PITPNM3: variants seen among roughly 807,000 people sequenced by gnomAD.
PITPNM3 encodes the protein membrane-associated phosphatidylinositol transfer protein 3.
PITPNM3 carries 26 observed loss-of-function variants against 102.0 expected under a neutral mutation model. The ratio of observed to expected loss-of-function variants is 0.25; its 90% confidence interval spans 0.19 to 0.35. The LOEUF is 0.35. Among genes scored for constraint, PITPNM3 ranks in the 10% least tolerant of loss-of-function variants. The probability of loss-of-function intolerance (pLI) is 1.00; values close to 1 mark genes in which losing one functional copy is unlikely to be tolerated. For synonymous variants in PITPNM3, 578 were observed against 558.6 expected, an observed-to-expected ratio of 1.03 and a Z score of -0.49; for missense variants, 1,083 against 1,346.1, an observed-to-expected ratio of 0.80 and a Z score of 3.06.
chr17:6,483,800 G>C, intron 5 of PITPNM3, 48 bp from the exon 6 acceptor site: 1 of 1,539,480 alleles, frequency 6.5e-7, no homozygotes, highest in South Asian at 1.1e-5. Flanking sequence ...GGCTGGGGTC[G>C]GGGGAGGCAC....
In PITPNM3 at chr17:6,556,215, C is replaced by T. The variant is rs1367849442; in HGVS notation, c.22+170G>A. ...GGGCGCAGGAAGGACGGGGGGCGCGCGGAGCCCCCTCTCCACGCGCGGGAG... is the reference window on the plus strand; with the variant it reads ...GGGCGCAGGAAGGACGGGGGGCGCGTGGAGCCCCCTCTCCACGCGCGGGAG... On this transcript the variant is annotated intron_variant, in intron 1 of 19. Coordinates refer to ENST00000262483, the MANE Select transcript of PITPNM3 (RefSeq NM_031220.4). This position sits in a 1 kb window ranked among gnomAD's most constrained non-coding sequence, Gnocchi z 5.2. Among the ~76,000 whole-genome samples, 2 of 151,856 alleles carry T rather than the reference C, an allele frequency of 1.3e-5. No individual in the cohort carries two copies. The highest frequency in any genetic ancestry group is 1.3e-4 in the Admixed American group (2 of 15,266).
At position 6,556,429 on chromosome 17, in the gene PITPNM3, G is replaced by A; in HGVS notation, c.-23C>T. The A allele has an allele frequency of 9.5e-6, 12 of 1,260,484 alleles. No individual in the cohort carries two copies. The highest frequency in any genetic ancestry group is 1.2e-5 in the Non-Finnish European group (12 of 1,003,232). The allele number at this position is 1,260,484 out of a possible 1,614,324, so 78.1% of individuals were successfully genotyped here. A position where few individuals can be genotyped will look rare whatever the true frequency, so the allele number is the denominator to read the frequency against. On this transcript the variant is annotated 5_prime_UTR_variant, in exon 1 of 20. Coordinates refer to ENST00000262483, the MANE Select transcript of PITPNM3 (RefSeq NM_031220.4). This position sits in a 1 kb window ranked among gnomAD's most constrained non-coding sequence, Gnocchi z 5.2. ...CATGTCCCGGGCGGCGGGCTCCGGC[G>A]GCGCTACGCGCGCTCCTCGCGCTTC...
chr17:6,485,001 C>T lies in PITPNM3; in HGVS notation c.275-709G>A, dbSNP rs146638834. Among the ~76,000 whole-genome samples the T allele has an allele frequency of 6.6e-4, 100 of 152,262 alleles. 1 individual carries two copies. The East Asian group carries it at 0.016, about 24-fold the overall frequency. On this transcript the variant is annotated intron_variant, in intron 4 of 19. Coordinates refer to ENST00000262483, the MANE Select transcript of PITPNM3 (RefSeq NM_031220.4). ...CTGGGATTCGTGCCATTTTCTCCCC[C>T]GGTTCTCTGGCCTTTGGGCTTGGGC... is the stretch of plus-strand genomic sequence containing the variant.
At chr17:6,499,279 A>G (rs961631260) in intron 4 of PITPNM3, among the ~76,000 whole-genome samples, 2 of 152,150 alleles carry the variant, frequency 1.3e-5, no homozygotes, top group African/African-American at 4.8e-5. Context: ...CACAAAGGAG[A>G]AAGTCTCCAA....
At chr17:6,475,653 A>G (rs1193838786) in intron 9 of PITPNM3, among the ~76,000 whole-genome samples, 1 of 152,180 alleles carries the variant, frequency 6.6e-6, no homozygotes, top group African/African-American at 2.4e-5. Context: ...GTCCCTAAAC[A>G]CATGCCAACT....
rs1017991507 is a variant in PITPNM3, at chr17:6,464,222, G to C, written c.2104C>G (p.Pro702Ala). 1 of 1,614,166 alleles carries C rather than the reference G, an allele frequency of 6.2e-7. No individual in the cohort carries two copies. Among genetic ancestry groups the C allele is most frequent in the Admixed American group, 1.7e-5 (1 of 60,026 alleles). ...CCAACCCCCAGGCGCCGGGGCCGCG[G>C]CACATTGTATGTGATGCGACCACTG... Reference protein sequence around the residue: ...NSSGRITYNVPRPRRLGVGVY... With the variant: ...NSSGRITYNVARPRRLGVGVY... The change falls in exon 16 of 20, where the codon CCG becomes GCG. Residue 702 changes from proline to alanine, a missense_variant. Coordinates refer to ENST00000262483, the MANE Select transcript of PITPNM3 (RefSeq NM_031220.4).
In PITPNM3 at chr17:6,455,309, C is replaced by T. The variant is rs1185066793; in HGVS notation, c.*29G>A. ...CCGCAGGCAGCCTGATTGGGCCCCC[C>T]GCTCCCTGCTCTGAGCACAGCCCAC... On this transcript the variant is annotated 3_prime_UTR_variant, in exon 20 of 20. Coordinates refer to ENST00000262483, the MANE Select transcript of PITPNM3 (RefSeq NM_031220.4). 2 of 1,542,682 alleles carry T rather than the reference C, an allele frequency of 1.3e-6. No homozygotes were observed. Among genetic ancestry groups the T allele is most frequent in the East Asian group, 2.3e-5 (1 of 43,564 alleles).
intron 3 of PITPNM3, among the ~76,000 whole-genome samples, chr17:6,515,359 T>C (rs547170043): frequency 1.4e-5 from 2 of 140,008 alleles, no homozygotes; most frequent in African/African-American, 2.7e-5. Flanking sequence ...GGTTGCACCA[T>C]TGCACTCCAG....
In PITPNM3 at chr17:6,556,324, C is replaced by T. The variant is rs1175548008; in HGVS notation, c.22+61G>A. 2 of 1,368,468 alleles carry T rather than the reference C, an allele frequency of 1.5e-6. No homozygotes were observed. Among genetic ancestry groups the T allele is most frequent in the Admixed American group, 2.6e-5 (1 of 38,626 alleles). 84.8% of individuals were successfully genotyped at this position (1,368,468 alleles called of 1,614,324 possible). On this transcript the variant is annotated intron_variant, in intron 1 of 19. Coordinates refer to ENST00000262483, the MANE Select transcript of PITPNM3 (RefSeq NM_031220.4). The surrounding 1 kb of genome is among the most constrained non-coding windows in gnomAD (Gnocchi z 5.2). ...GGTTCACCTGGGCCGGCGGCCCCTC[C>T]TCTAGACGCGCGAGTCCCTCCCCCG...
chr17:6,521,185 G>T (rs996141131), intron 3 of PITPNM3: 1 of 152,408 alleles, frequency 6.6e-6, no homozygotes. Context: ...GCCGAGGCAG[G>T]TGGATCACTT....
intron 3 of PITPNM3, among the ~76,000 whole-genome samples, chr17:6,520,161 C>T (rs1007779799): frequency 7.2e-5 from 11 of 152,084 alleles, no homozygotes; most frequent in Non-Finnish European, 5.9e-5. Context: ...AACAAGAAAA[C>T]GTTTTTACCC....
At chr17:6,555,167 G>T (rs555227591) in intron 1 of PITPNM3, among the ~76,000 whole-genome samples, 1 of 152,200 alleles carries the variant, frequency 6.6e-6, no homozygotes, top group Admixed American at 6.5e-5. Context: ...GAGTGAGAAG[G>T]CTGTTTAGCT....
chr17:6,539,773 T>TACGCTAGATTAATATACAG, intron 1 of PITPNM3, among the ~76,000 whole-genome samples: 1 of 152,258 alleles, frequency 6.6e-6, no homozygotes, highest in Admixed American at 6.5e-5. Context: ...ACTATGTGAA[T>TACGCTAGATTAATATACAG]ACGCTAGATT....
chr17:6,512,019 A>G (rs1907894604), intron 3 of PITPNM3, among the ~76,000 whole-genome samples: 1 of 152,178 alleles, frequency 6.6e-6, no homozygotes, highest in African/African-American at 2.4e-5. Flanking sequence ...AAAATACAGA[A>G]GCAAAGAAAG....
chr17:6,498,500 G>A (rs575600875), intron 4 of PITPNM3, among the ~76,000 whole-genome samples: 80 of 152,328 alleles, frequency 5.3e-4, no homozygotes, highest in South Asian at 1.2e-3. Flanking sequence ...TCTCTGACAC[G>A]CTGAAGGGAG....
At chr17:6,531,755 T>G (rs1909159463) in intron 2 of PITPNM3, among the ~76,000 whole-genome samples, 2 of 152,314 alleles carry the variant, frequency 1.3e-5, no homozygotes, top group East Asian at 1.9e-4. Context: ...CCCACAGCAC[T>G]GAGCCAGTGC....
Position 6,466,473 on chromosome 17 carries a change from A to G in PITPNM3, c.1891-1702T>C, listed in dbSNP as rs541303475. ...TCAGGGGAGAGGGAGCAGCTGGTTC[A>G]TGAATATAAGCACCTGAAAAGATCC... On this transcript the variant is annotated intron_variant, in intron 14 of 19. Transcript: ENST00000262483. Among the ~76,000 whole-genome samples, 229 of 152,346 alleles carry G rather than the reference A, an allele frequency of 1.5e-3. 2 individuals carry two copies. The highest frequency in any genetic ancestry group is 0.015 in the Admixed American group (227 of 15,300).
rs1176875545 is a variant in PITPNM3, at chr17:6,498,126, C to T, written c.274+5401G>A. 1.2e-4 allele frequency among the ~76,000 whole-genome samples: 18 copies of T among 152,288 alleles called. No homozygotes were observed. In the East Asian group the frequency reaches 2.7e-3, roughly 23 times the overall value. On this transcript the variant is annotated intron_variant, in intron 4 of 19. Transcript: ENST00000262483. ...GCATATTGCAGCAGGAGGGGTGAGC[C>T]GGGCTTGCTGGATTCAGCACGTGTG...
chr17:6,513,721 T>C (rs1907997944), intron 3 of PITPNM3, among the ~76,000 whole-genome samples: 1 of 152,230 alleles, frequency 6.6e-6, no homozygotes. Flanking sequence ...ACTCCTCAAA[T>C]TGATCTACAG....
Sources: gnomAD v4.1 joint callset for allele counts (sites outside exome capture counted in the v4.1 genomes callset) on GRCh38, gnomAD v4.1.1 for gene constraint, Gnocchi (gnomAD v3.1) non-coding constraint, MANE v1.5 for transcripts, NCBI Gene and HGNC (gene_info 2026-07-23, HGNC 2026-07-21) for gene names.